Variants in PDGFRL observed in about 807,000 individuals in gnomAD.
The protein encoded by PDGFRL is platelet derived growth factor receptor like, also known as platelet-derived growth factor receptor-like protein.
Under a neutral mutation model 37.2 loss-of-function variants are expected in PDGFRL, and 46 were observed. The observed-to-expected ratio is 1.24, with a 90% CI of 0.98 to 1.58. The LOEUF is 1.58. Among genes scored for constraint, PDGFRL ranks in the 40% most tolerant of loss-of-function variants. The pLI is 0.00. For missense variants in PDGFRL, 692 were observed against 467.6 expected, an observed-to-expected ratio of 1.48 and a Z score of -4.43; for synonymous variants, 251 against 184.3, an observed-to-expected ratio of 1.36 and a Z score of -2.93.
At chr8:17,625,708 G>C (rs944468663) in intron 3 of PDGFRL, among the ~76,000 whole-genome samples, 6 of 152,176 alleles carry the variant, frequency 3.9e-5, no homozygotes, top group African/African-American at 1.4e-4. Flanking sequence ...AAGAAGTAAG[G>C]CTGGGAACAT....
chr8:17,640,609 T>A (rs995568458), intron 5 of PDGFRL, among the ~76,000 whole-genome samples: 2 of 152,316 alleles, frequency 1.3e-5, no homozygotes, highest in South Asian at 4.1e-4. Context: ...GTGGTGCCTG[T>A]ACAGAGTCCT....
intron 5 of PDGFRL, among the ~76,000 whole-genome samples, chr8:17,641,897 C>CCCCGCCCCCCCCCACCT (rs1317771604): frequency 4.5e-4 from 1 of 2,240 alleles, no homozygotes. Flanking sequence ...CAATAGAGGT[C>CCCCGCCCCCCCCCACCT]CCCGCCACAT....
chr8:17,623,325 T>G (rs2129775532), intron 3 of PDGFRL, among the ~76,000 whole-genome samples: 1 of 152,348 alleles, frequency 6.6e-6, no homozygotes, highest in Non-Finnish European at 1.5e-5. Context: ...ATAGGCAATC[T>G]CTTTGGATCT....
At position 17,642,864 on chromosome 8, in the gene PDGFRL, G is replaced by A. The variant is rs942071021; in HGVS notation, c.*63G>A. ...ATTTGTGTACACAGTCAGCTTTGGGGTTCCTTTTATTAGTGCTTTGCCAGA... is the reference window on the plus strand; with the variant it reads ...ATTTGTGTACACAGTCAGCTTTGGGATTCCTTTTATTAGTGCTTTGCCAGA... On this transcript the variant is annotated 3_prime_UTR_variant, in exon 6 of 6. Transcript: ENST00000251630. 4.0e-5 allele frequency: 44 copies of A among 1,109,420 alleles called. No homozygotes were observed. The highest frequency in any genetic ancestry group is 5.6e-5 in the Non-Finnish European group (42 of 744,722). The allele number at this position is 1,109,420 out of a possible 1,614,324, so 68.7% of individuals were successfully genotyped here.
At chr8:17,577,179 G>A (rs1803602335), upstream of PDGFRL, 2 of 1,491,814 alleles carry the variant, frequency 1.3e-6, no homozygotes, top group Admixed American at 4.1e-5. Flanking sequence ...CCCGCCCCTC[G>A]CCCGCCGCCT....
intron 2 of PDGFRL, among the ~76,000 whole-genome samples, chr8:17,593,313 C>T (rs1803982408): frequency 6.6e-6 from 1 of 151,982 alleles, no homozygotes; most frequent in Admixed American, 6.6e-5. Context: ...TTTTGAAGGC[C>T]AGGCATGATG....
intron 4 of PDGFRL, among the ~76,000 whole-genome samples, chr8:17,632,260 C>A (rs113641924): frequency 6.6e-6 from 1 of 152,206 alleles, no homozygotes. Flanking sequence ...AGCATTGTCT[C>A]TGCCCTAGAC....
intron 1 of PDGFRL, among the ~76,000 whole-genome samples, chr8:17,583,022 T>G (rs985232295): frequency 3.9e-5 from 6 of 152,092 alleles, no homozygotes; most frequent in African/African-American, 1.2e-4. Flanking sequence ...AAGAGGCCAA[T>G]AAGCAGAACA....
intron 5 of PDGFRL, among the ~76,000 whole-genome samples, chr8:17,642,100 C>A (rs1290038009): frequency 6.6e-6 from 1 of 152,092 alleles, no homozygotes; most frequent in Non-Finnish European, 1.5e-5. Context: ...ACTTTTCTCC[C>A]ACTAGAGTCC....
chr8:17,582,283 T>C (rs185367503), intron 1 of PDGFRL, among the ~76,000 whole-genome samples: 39 of 152,172 alleles, frequency 2.6e-4, no homozygotes, highest in Middle Eastern at 6.8e-3. Context: ...GTGGTGGGTG[T>C]GGCTGGGTTT....
At chr8:17,606,078 A>C (rs1804269867) in intron 2 of PDGFRL, among the ~76,000 whole-genome samples, 1 of 152,192 alleles carries the variant, frequency 6.6e-6, no homozygotes, top group African/African-American at 2.4e-5. Flanking sequence ...AAGGAGAAAT[A>C]TCTTAAGTGG....
chr8:17,625,429 C>A (rs944481897), intron 3 of PDGFRL, among the ~76,000 whole-genome samples: 1 of 149,992 alleles, frequency 6.7e-6, no homozygotes, highest in Admixed American at 6.7e-5. Flanking sequence ...GGATTACAGG[C>A]GTGAGCCACT....
At chr8:17,579,720 G>A (rs566967531) in intron 1 of PDGFRL, among the ~76,000 whole-genome samples, 9 of 152,152 alleles carry the variant, frequency 5.9e-5, no homozygotes, top group Non-Finnish European at 1.2e-4. Context: ...CTGCAAGTGT[G>A]TATGGGGGTG....
At chr8:17,582,659 G>C (rs1803732292) in intron 1 of PDGFRL, among the ~76,000 whole-genome samples, 1 of 151,722 alleles carries the variant, frequency 6.6e-6, no homozygotes, top group Admixed American at 6.6e-5. Flanking sequence ...AATTTATTAT[G>C]AAAAGGGAAG....
chr8:17,593,219 C>G (rs1392460092), intron 2 of PDGFRL, among the ~76,000 whole-genome samples: 1 of 151,814 alleles, frequency 6.6e-6, no homozygotes, highest in African/African-American at 2.4e-5. Flanking sequence ...GGATATTCTG[C>G]TTGGAAGAAA....
chr8:17,610,366 A>T (rs1804385149), intron 2 of PDGFRL, among the ~76,000 whole-genome samples: 1 of 152,218 alleles, frequency 6.6e-6, no homozygotes, highest in Non-Finnish European at 1.5e-5. Flanking sequence ...ATGCTACAAA[A>T]TCTGAAACTT....
chr8:17,603,268 T>G (rs1294919267), intron 2 of PDGFRL, among the ~76,000 whole-genome samples: 1 of 152,168 alleles, frequency 6.6e-6, no homozygotes, highest in Non-Finnish European at 1.5e-5. Flanking sequence ...ATTACAAGCA[T>G]GAGCCACCAC....
chr8:17,635,874 G>C (rs1804961383), intron 5 of PDGFRL, among the ~76,000 whole-genome samples: 1 of 152,200 alleles, frequency 6.6e-6, no homozygotes, highest in Non-Finnish European at 1.5e-5. Context: ...CTAATCATTA[G>C]TGATGTTGAG....
At chr8:17,612,724 T>G (rs1430549735) in intron 2 of PDGFRL, among the ~76,000 whole-genome samples, 1 of 152,106 alleles carries the variant, frequency 6.6e-6, no homozygotes, top group African/African-American at 2.4e-5. Flanking sequence ...TCTAGAAACT[T>G]AAAAACTATA....
Sources: allele counts gnomAD v4.1 joint callset (sites outside exome capture counted in the v4.1 genomes callset), GRCh38; gene constraint gnomAD v4.1.1; transcripts MANE v1.5; gene names NCBI Gene and HGNC (gene_info 2026-07-23, HGNC 2026-07-21).